Variants in NELL1 observed in about 807,000 individuals in gnomAD.
NELL1 encodes the protein protein kinase C-binding protein NELL1.
A neutral mutation model predicts 107.4 loss-of-function variants in NELL1; 76 were observed. The ratio of observed to expected loss-of-function variants is 0.71; its 90% CI spans 0.59 to 0.86. NELL1 has a LOEUF of 0.86. Among genes scored for constraint, NELL1 ranks in the 40% least tolerant of loss-of-function variants. The pLI, the probability that NELL1 is intolerant of heterozygous loss-of-function variation, is 0.00. For missense variants in NELL1, 1,024 were observed against 1,005.5 expected (o/e 1.02, Z -0.25); for synonymous variants, 353 against 341.2 (o/e 1.03, Z -0.38).
intron 3 of NELL1, among the ~76,000 whole-genome samples, chr11:20,825,968 T>G (rs1158738894): frequency 6.6e-6 from 1 of 151,176 alleles, no homozygotes; most frequent in African/African-American, 2.4e-5. Context: ...TGGTCCCCCA[T>G]GCTGTTCTTG....
At chr11:21,464,813 A>G (rs1230330107) in intron 15 of NELL1, among the ~76,000 whole-genome samples, 4 of 152,164 alleles carry the variant, frequency 2.6e-5, no homozygotes, top group African/African-American at 9.7e-5. Context: ...ATGAGATCAC[A>G]TTAGTATCAG....
chr11:20,785,490 G>T (rs1856935835), intron 3 of NELL1, among the ~76,000 whole-genome samples: 2 of 152,240 alleles, frequency 1.3e-5, no homozygotes, highest in South Asian at 4.1e-4. Flanking sequence ...GGCCTTGTGG[G>T]GTTGGGTGTG....
intron 12 of NELL1, among the ~76,000 whole-genome samples, chr11:21,054,186 T>G (rs1853562786): frequency 6.6e-6 from 1 of 151,794 alleles, no homozygotes; most frequent in South Asian, 2.1e-4. Context: ...TTTTTTTCTC[T>G]CTCTCTTACC....
At chr11:20,699,482 T>A (rs1854714963) in intron 2 of NELL1, among the ~76,000 whole-genome samples, 1 of 152,000 alleles carries the variant, frequency 6.6e-6, no homozygotes, top group Non-Finnish European at 1.5e-5. Context: ...TGCCTTAGCC[T>A]CCCCAGCAGC....
intron 3 of NELL1, among the ~76,000 whole-genome samples, chr11:20,786,291 A>G (rs893792805): frequency 1.3e-5 from 2 of 150,390 alleles, no homozygotes; most frequent in African/African-American, 4.9e-5. Context: ...CTGAGGTTGC[A>G]GTGAGCCAAG....
intron 2 of NELL1, among the ~76,000 whole-genome samples, chr11:20,777,515 A>C (rs1367858716): frequency 3.3e-5 from 5 of 152,236 alleles, no homozygotes; most frequent in Non-Finnish European, 7.3e-5. Flanking sequence ...AAGGGTCACA[A>C]GACCAAATAG....
rs554005808 is a variant in NELL1, at chr11:20,832,041, T to C, written c.336-15542T>C. Among the ~76,000 whole-genome samples the C allele has an allele frequency of 2.0e-5, 3 of 152,320 alleles. No homozygotes were observed. The South Asian group carries it at 6.2e-4, about 32-fold the overall frequency. ...TTTCCACTAGCAGTGATACTGGGTG[T>C]GGAGGAGGCTCCTGTAATAGCAAGT... On this transcript the variant is annotated intron_variant, in intron 3 of 19. Coordinates refer to ENST00000357134, the MANE Select transcript of NELL1 (RefSeq NM_006157.5).
At chr11:21,089,481 T>C (rs889521674) in intron 12 of NELL1, among the ~76,000 whole-genome samples, 3 of 152,222 alleles carry the variant, frequency 2.0e-5, no homozygotes, top group Non-Finnish European at 1.5e-5. Context: ...TGGTGGGCTA[T>C]ATATAATGAA....
rs547501335 is a variant in NELL1, at chr11:20,981,837, C to A, written c.1300+21277C>A. Among the ~76,000 whole-genome samples, 358 of 152,216 alleles carry A rather than the reference C, an allele frequency of 2.4e-3. 5 individuals carry two copies. Among genetic ancestry groups the A allele is most frequent in the Non-Finnish European group, 2.9e-3 (195 of 68,014 alleles). On this transcript the variant is annotated intron_variant, in intron 12 of 19. Coordinates refer to ENST00000357134, the MANE Select transcript of NELL1 (RefSeq NM_006157.5). ...AAAATCAAATTCAACATGGCTTAAG[C>A]AGAGAAAATATATGGCTTCAAGTAA...
intron 14 of NELL1, among the ~76,000 whole-genome samples, chr11:21,252,538 T>G (rs897049613): frequency 2.3e-4 from 35 of 152,170 alleles, no homozygotes; most frequent in Admixed American, 5.2e-4. Context: ...TGTTATACTT[T>G]TTAGGATAGC....
At position 20,937,879 on chromosome 11, in the gene NELL1, T is replaced by C; in HGVS notation, c.1071+20T>C. ...TGCCGAGTAAGTGTTAATTTTATGGTCCCTATCACTTCTGGAAAATGAATA... is the reference window on the plus strand; with the variant it reads ...TGCCGAGTAAGTGTTAATTTTATGGCCCCTATCACTTCTGGAAAATGAATA... On this transcript the variant is annotated intron_variant, in intron 10 of 19. Coordinates refer to ENST00000357134, the MANE Select transcript of NELL1 (RefSeq NM_006157.5). The C allele has an allele frequency of 6.2e-7, 1 of 1,609,396 alleles. No homozygotes were observed. Among genetic ancestry groups the C allele is most frequent in the African/African-American group, 1.3e-5 (1 of 74,920 alleles).
chr11:21,509,174 A>G (rs1259523087), intron 15 of NELL1, among the ~76,000 whole-genome samples: 2 of 152,210 alleles, frequency 1.3e-5, no homozygotes, highest in Non-Finnish European at 2.9e-5. Context: ...TAGGGTTACT[A>G]TCTCACACCC....
chr11:21,384,484 T>C (rs1030273296), intron 15 of NELL1, among the ~76,000 whole-genome samples: 5 of 151,946 alleles, frequency 3.3e-5, no homozygotes, highest in Non-Finnish European at 5.9e-5. Context: ...TTAGGGTACA[T>C]GTGCAAAATG....
chr11:20,846,611 C>A (rs952725402), intron 3 of NELL1, among the ~76,000 whole-genome samples: 1 of 152,146 alleles, frequency 6.6e-6, no homozygotes, highest in Non-Finnish European at 1.5e-5. Context: ...AAAGTGCATA[C>A]ACTGTCAAAT....
chr11:21,159,361 AG>A (rs1175658430), intron 13 of NELL1, among the ~76,000 whole-genome samples: 1 of 152,190 alleles, frequency 6.6e-6, no homozygotes, highest in African/African-American at 2.4e-5. Context: ...GAAGTATTGG[AG>A]GATATTGATA....
At chr11:21,504,637 T>G (rs1855234999) in intron 15 of NELL1, among the ~76,000 whole-genome samples, 1 of 152,194 alleles carries the variant, frequency 6.6e-6, no homozygotes, top group South Asian at 2.1e-4. Context: ...CATTCCTATC[T>G]TGCTCCTGAT....
At chr11:21,164,770 G>T (rs1197569667) in intron 13 of NELL1, among the ~76,000 whole-genome samples, 2 of 152,144 alleles carry the variant, frequency 1.3e-5, no homozygotes, top group Non-Finnish European at 2.9e-5. Flanking sequence ...CCTCTGATTT[G>T]TGCCTCATTT....
chr11:20,757,948 G>C (rs1249567502), intron 2 of NELL1, among the ~76,000 whole-genome samples: 1 of 152,220 alleles, frequency 6.6e-6, no homozygotes, highest in African/African-American at 2.4e-5. Flanking sequence ...TAGGGTTTCA[G>C]CATGGTCAGG....
intron 4 of NELL1, among the ~76,000 whole-genome samples, chr11:20,862,897 G>A (rs1264562804): frequency 3.3e-5 from 5 of 152,134 alleles, no homozygotes; most frequent in Non-Finnish European, 2.9e-5. Context: ...CACAGCACAT[G>A]TTTCAGAGAG....
Sources: allele counts gnomAD v4.1 joint callset (sites outside exome capture counted in the v4.1 genomes callset), GRCh38; gene constraint gnomAD v4.1.1; transcripts MANE v1.5; gene names NCBI Gene and HGNC (gene_info 2026-07-23, HGNC 2026-07-21).